PPP1R16A: variants seen among roughly 807,000 people sequenced by gnomAD.
The protein encoded by PPP1R16A is protein phosphatase 1 regulatory subunit 16A.
In PPP1R16A, 39 loss-of-function variants were observed where a neutral mutation model predicts 46.6. That is an observed-to-expected ratio of 0.84 (90% CI 0.65 to 1.09). The LOEUF is 1.09. PPP1R16A is among the 50% of genes least tolerant of loss of function. The pLI is 0.00. For missense variants in PPP1R16A, 798 were observed against 735.6 expected, an observed-to-expected ratio of 1.08 and a Z score of -0.98; for synonymous variants, 413 against 321.5, an observed-to-expected ratio of 1.28 and a Z score of -3.04.
chr8:144,497,747 G>A (rs924764704), intron 3 of PPP1R16A: 1 of 540,158 alleles, frequency 1.9e-6, no homozygotes, highest in Non-Finnish European at 3.4e-6. Context: ...ACCCCCAGGA[G>A]CCTGCAGAAA....
intron 3 of PPP1R16A, chr8:144,497,986 A>C: frequency 2.2e-6 from 1 of 453,740 alleles, no homozygotes; most frequent in East Asian, 7.0e-5. Flanking sequence ...CCTGTGCCCC[A>C]CGCTTGCAGC....
chr8:144,500,023 G>A, intron 5 of PPP1R16A, 73 bp from the exon 6 acceptor site: 2 of 1,489,896 alleles, frequency 1.3e-6, no homozygotes, highest in Non-Finnish European at 1.8e-6. Context: ...CCCTGGCGGG[G>A]ACTTCTCCAA....
At chr8:144,479,823 G>GGT (rs1315005623) in intron 1 of PPP1R16A, among the ~76,000 whole-genome samples, 4 of 152,152 alleles carry the variant, frequency 2.6e-5, no homozygotes, top group Non-Finnish European at 5.9e-5. Flanking sequence ...TCCTGGCACT[G>GGT]GTGCACGCAC....
intron 6 of PPP1R16A, 21 bp from the exon 7 acceptor site, chr8:144,500,246 T>TCTGAGCCTGCCG: frequency 6.4e-7 from 1 of 1,571,140 alleles, no homozygotes; most frequent in Non-Finnish European, 8.6e-7. Flanking sequence ...TCGCGCTCCC[T>TCTGAGCCTGCCG]CTGAGCCTGC....
rs763916421 is a variant in PPP1R16A, at chr8:144,500,501, C to G, written c.720C>G (p.Ala240=). The change falls in exon 8 of 12, where the codon GCC becomes GCG. Residue 240 remains alanine, a synonymous_variant. Transcript: ENST00000435887. ...DHGATLLHVA[A]ANGFSEAAAL... is the part of the protein sequence containing the mutation. ...CTTGCCTGCAGCTGCACGTCGCAGC[C>G]GCCAACGGGTTCAGCGAGGCGGCTG... 1.3e-6 allele frequency: 2 copies of G among 1,586,552 alleles called. No homozygotes were observed. Among genetic ancestry groups the G allele is most frequent in the East Asian group, 2.3e-5 (1 of 44,364 alleles).
At chr8:144,490,630 G>C (rs1825776335) in intron 2 of PPP1R16A, among the ~76,000 whole-genome samples, 1 of 152,220 alleles carries the variant, frequency 6.6e-6, no homozygotes, top group South Asian at 2.1e-4. Context: ...ACTCTGGCGG[G>C]ACATCCAGCA....
intron 2 of PPP1R16A, chr8:144,495,785 C>T (rs1418170478): frequency 1.3e-5 from 2 of 152,362 alleles, no homozygotes; most frequent in Non-Finnish European, 2.9e-5. Flanking sequence ...CCAGCAACCA[C>T]ACTTAGTGTG....
chr8:144,479,160 G>A (rs1825296995), intron 1 of PPP1R16A: 1 of 152,268 alleles, frequency 6.6e-6, no homozygotes, highest in South Asian at 2.1e-4. Flanking sequence ...AGAGGCCTCT[G>A]GTTGCGCTGC....
intron 1 of PPP1R16A, among the ~76,000 whole-genome samples, chr8:144,485,437 T>C (rs1586739794): frequency 1.3e-5 from 2 of 149,482 alleles, no homozygotes; most frequent in East Asian, 2.0e-4. Flanking sequence ...GGCAGGAGAA[T>C]GGCACGAACC....
rs765669439 is a variant in PPP1R16A at position 144,501,832 on chromosome 8, C to T, written c.1516C>T (p.Pro506Ser). The T allele has an allele frequency of 2.6e-6, 4 of 1,550,680 alleles. No individual in the cohort carries two copies. The Admixed American group carries it at 7.8e-5, about 30-fold the overall frequency. ...DCGFRAGGDP[P>S]LLKLTAPAVE... is the part of the protein sequence containing the mutation. ...TGGCTTCAGGGCAGGCGGGGACCCA[C>T]CCCTGCTCAAGCTCACAGCCCCGGC... Residue 506 changes from proline (P) to serine (S), a missense_variant, in exon 12 of 12, where the codon CCC becomes TCC. Coordinates refer to ENST00000435887, the MANE Select transcript of PPP1R16A (RefSeq NM_001329443.2).
chr8:144,484,521 C>G (rs1825566830), intron 1 of PPP1R16A, among the ~76,000 whole-genome samples: 1 of 152,214 alleles, frequency 6.6e-6, no homozygotes, highest in Non-Finnish European at 1.5e-5. Context: ...CGTTGAGTCT[C>G]TTTTCAAATG....
chr8:144,501,885 G>GT lies in PPP1R16A; in HGVS notation c.1570dup (p.Cys524LeufsTer?). 6.5e-7 allele frequency: 1 copy of GT among 1,533,026 alleles called. No individual in the cohort carries two copies. Among genetic ancestry groups the GT allele is most frequent in the South Asian group, 1.2e-5 (1 of 83,320 alleles). The allele number at this position is 1,533,026 out of a possible 1,614,324, so 95.0% of individuals were successfully genotyped here. ...TGGAGGCTCCCGTGGAGAGGAGGCC[G>GT]TGCTGCCTGCTCATGTGAGGCTGTT... On this transcript the variant is annotated frameshift_variant, in exon 12 of 12. Coordinates refer to ENST00000435887, the MANE Select transcript of PPP1R16A (RefSeq NM_001329443.2). LOFTEE classifies it high-confidence loss of function.
chr8:144,478,721 C>T (rs1045911595), intron 1 of PPP1R16A: 3 of 152,310 alleles, frequency 2.0e-5, no homozygotes, highest in Non-Finnish European at 4.4e-5. Flanking sequence ...AATGACCTCA[C>T]TTGTAGTGCG....
Position 144,501,732 on chromosome 8 carries a change from A to G in PPP1R16A, c.1416A>G (p.Pro472=), listed in dbSNP as rs1315076072. Residue 472 remains proline, a synonymous_variant, in exon 12 of 12, where the codon CCA becomes CCG. Transcript: ENST00000435887. ...QRAAAKLQRP[P]PEGPESPETA... ...CTGCTGCCAAGCTGCAGCGACCCCC[A>G]CCTGAGGGGCCCGAGAGCCCTGAGA... The G allele has an allele frequency of 6.3e-7, 1 of 1,582,520 alleles. No individual in the cohort carries two copies. The highest frequency in any genetic ancestry group is 1.4e-5 in the African/African-American group (1 of 73,660).
chr8:144,500,867 G>A lies in PPP1R16A; in HGVS notation c.933G>A (p.Arg311=). The A allele has an allele frequency of 6.4e-7, 1 of 1,567,032 alleles. No individual in the cohort carries two copies. Among genetic ancestry groups the A allele is most frequent in the East Asian group, 2.4e-5 (1 of 41,950 alleles). The change falls in exon 10 of 12, where the codon CGG becomes CGA. Residue 311 remains arginine (R), a synonymous_variant. Transcript: ENST00000435887. The stretch of plus-strand genomic sequence containing the variant: ...ATGTGTGCGGGGACGAGGAGGTGCG[G>A]GCCAAGCTGCTGGAGCTGAAGCACA... ...PLDVCGDEEV[R]AKLLELKHKH...
chr8:144,501,854 C>T lies in PPP1R16A; in HGVS notation c.1538C>T (p.Pro513Leu), dbSNP rs753155789. The change falls in exon 12 of 12, where the codon CCG becomes CTG. Residue 513 changes from proline (P) to leucine (L), a missense_variant. Pro to Leu is a moderately conservative substitution (Grantham distance 98). Coordinates refer to ENST00000435887, the MANE Select transcript of PPP1R16A (RefSeq NM_001329443.2). ...CCACCCCTGCTCAAGCTCACAGCCC[C>T]GGCGGTGGAGGCTCCCGTGGAGAGG... ...GDPPLLKLTA[P>L]AVEAPVERRP... is the part of the protein sequence containing the mutation. 9.7e-5 allele frequency: 150 copies of T among 1,546,866 alleles called. No individual in the cohort carries two copies. The highest frequency in any genetic ancestry group is 7.3e-5 in the Non-Finnish European group (84 of 1,147,168).
At chr8:144,499,579 G>A (rs1168884683) in intron 5 of PPP1R16A, 2 of 189,858 alleles carry the variant, frequency 1.1e-5, no homozygotes, top group African/African-American at 2.3e-5. Context: ...TGTGAGGCCG[G>A]GTGGGGTGTG....
At chr8:144,480,952 G>A (rs1159697189) in intron 1 of PPP1R16A, among the ~76,000 whole-genome samples, 26 of 149,876 alleles carry the variant, frequency 1.7e-4, no homozygotes, top group African/African-American at 2.7e-4. Flanking sequence ...GCAGTGGCAC[G>A]ATCTTGGCTC....
chr8:144,500,786 C>T (rs992920418), intron 9 of PPP1R16A, 25 bp downstream of exon 9: 7 of 1,608,608 alleles, frequency 4.4e-6, no homozygotes, highest in Non-Finnish European at 5.9e-6. Flanking sequence ...CCCACCTCCA[C>T]CTGGGGGAGA....
Sources: allele counts gnomAD v4.1 joint callset (sites outside exome capture counted in the v4.1 genomes callset), GRCh38; gene constraint gnomAD v4.1.1; transcripts MANE v1.5; gene names NCBI Gene and HGNC (gene_info 2026-07-23, HGNC 2026-07-21).